ATXN7: variants seen among roughly 807,000 people sequenced by gnomAD.
The protein encoded by ATXN7 is ataxin-7.
ATXN7 carries 12 observed loss-of-function variants against 70.5 expected under a neutral mutation model. That is an observed-to-expected ratio of 0.17 (90% CI 0.11 to 0.28). The LOEUF is 0.28. Ranked by LOEUF, ATXN7 falls within the 10% of genes least tolerant of loss-of-function variation. ATXN7 has a pLI of 1.00. For missense variants in ATXN7, 1,256 were observed against 1,131.7 expected (o/e 1.11, Z -1.58); for synonymous variants, 498 against 448.7 (o/e 1.11, Z -1.39).
chr3:63,983,213 T>C (rs889489390), intron 8 of ATXN7, among the ~76,000 whole-genome samples, 192 bp downstream of exon 8: 3 of 152,238 alleles, frequency 2.0e-5, no homozygotes, highest in African/African-American at 4.8e-5. Context: ...TGCGTTGTTA[T>C]AAATTATAAT....
At chr3:63,887,204 G>A (rs1248485407) in intron 1 of ATXN7, among the ~76,000 whole-genome samples, 1 of 152,332 alleles carries the variant, frequency 6.6e-6, no homozygotes, top group Non-Finnish European at 1.5e-5. Flanking sequence ...TGTTTGTGAT[G>A]TAGTGCCAGA....
intron 4 of ATXN7, among the ~76,000 whole-genome samples, chr3:63,915,597 A>G (rs1704230069): frequency 6.6e-6 from 1 of 152,214 alleles, no homozygotes; most frequent in African/African-American, 2.4e-5. Context: ...AGTTGAATCC[A>G]TACTGATTCC....
intron 1 of ATXN7, among the ~76,000 whole-genome samples, chr3:63,895,278 G>C (rs144744001): frequency 1.6e-4 from 24 of 152,202 alleles, no homozygotes; most frequent in African/African-American, 5.8e-4. Flanking sequence ...ACAAAGTTCT[G>C]AATCTTAACA....
intron 1 of ATXN7, among the ~76,000 whole-genome samples, chr3:63,867,313 T>G (rs1045803227): frequency 6.6e-6 from 1 of 152,184 alleles, no homozygotes; most frequent in African/African-American, 2.4e-5. Context: ...AAAATGGAAG[T>G]TAGAATTCTT....
intron 6 of ATXN7, among the ~76,000 whole-genome samples, chr3:63,981,506 T>C (rs2075486866): frequency 6.6e-6 from 1 of 152,244 alleles, no homozygotes; most frequent in Admixed American, 6.5e-5. Context: ...TTTTCAGTTT[T>C]ACCAAGCAAA....
intron 1 of ATXN7, among the ~76,000 whole-genome samples, chr3:63,881,678 C>T (rs1470595048): frequency 2.0e-5 from 3 of 151,982 alleles, no homozygotes; most frequent in Admixed American, 6.6e-5. Context: ...TTAGTAGAGA[C>T]AGGGTTTCAC....
rs111667986 is a variant in ATXN7, at chr3:63,936,848, A to G, written c.395-15531A>G. ...TGATTCTACTCAGCCCATATTTTGT[A>G]CCTTTGACTGGTTGGTCCGTTTTCT... On this transcript the variant is annotated intron_variant, in intron 4 of 12. Transcript: ENST00000674280. 2.5e-3 allele frequency among the ~76,000 whole-genome samples: 376 copies of G among 152,260 alleles called. 1 individual carries two copies. Among genetic ancestry groups the G allele is most frequent in the African/African-American group, 8.0e-3 (332 of 41,546 alleles).
At chr3:63,863,694 G>C (rs897580551), upstream of ATXN7, 3 of 1,240,804 alleles carry the variant, frequency 2.4e-6, no homozygotes, top group African/African-American at 1.6e-5. Context: ...TCCCGGAAGC[G>C]GGCCGGGAGG....
intron 5 of ATXN7, among the ~76,000 whole-genome samples, chr3:63,970,694 C>T (rs1233831251): frequency 6.6e-6 from 1 of 152,184 alleles, no homozygotes; most frequent in Non-Finnish European, 1.5e-5. Context: ...TGCCATATTT[C>T]TGCTCCTTTC....
chr3:63,884,357 A>C, intron 1 of ATXN7, among the ~76,000 whole-genome samples: 1 of 152,110 alleles, frequency 6.6e-6, no homozygotes, highest in Non-Finnish European at 1.5e-5. Context: ...AACCTAGAAC[A>C]ATTTGAGCAG....
intron 4 of ATXN7, 147 bp downstream of exon 4, chr3:63,913,372 C>T (rs1704137605): frequency 1.2e-6 from 1 of 861,150 alleles, no homozygotes; most frequent in Non-Finnish European, 1.8e-6. Context: ...AGGGAGGGGG[C>T]AGAGCGCTTG....
intron 4 of ATXN7, among the ~76,000 whole-genome samples, chr3:63,940,422 ATAAT>A (rs1201799123): frequency 2.0e-5 from 3 of 152,164 alleles, no homozygotes; most frequent in Non-Finnish European, 4.4e-5. Flanking sequence ...ATGCCATTTC[ATAAT>A]TAATTCTGTT....
intron 4 of ATXN7, among the ~76,000 whole-genome samples, chr3:63,938,822 A>T (rs2074707500): frequency 6.6e-6 from 1 of 152,090 alleles, no homozygotes; most frequent in African/African-American, 2.4e-5. Context: ...TTTTATTGTA[A>T]CTTCTCTTTA....
At chr3:63,974,399 A>G (rs2075360246) in intron 5 of ATXN7, among the ~76,000 whole-genome samples, 1 of 152,226 alleles carries the variant, frequency 6.6e-6, no homozygotes, top group Non-Finnish European at 1.5e-5. Flanking sequence ...TTTATGCCCC[A>G]GCCCTCACCT....
chr3:63,983,274 T>G (rs562189517), intron 8 of ATXN7, among the ~76,000 whole-genome samples: 4 of 151,954 alleles, frequency 2.6e-5, no homozygotes, highest in Non-Finnish European at 5.9e-5. Context: ...ACAGGAATAG[T>G]GTTCTCTCCC....
chr3:63,927,886 G>C (rs1413978052), intron 4 of ATXN7, among the ~76,000 whole-genome samples: 1 of 152,076 alleles, frequency 6.6e-6, no homozygotes, highest in East Asian at 1.9e-4. Flanking sequence ...TTGTTAACTG[G>C]CAGCTGCGAT....
chr3:63,944,735 A>G (rs1201046579), intron 4 of ATXN7, among the ~76,000 whole-genome samples: 1 of 152,016 alleles, frequency 6.6e-6, no homozygotes, highest in Non-Finnish European at 1.5e-5. Flanking sequence ...TCTAATGTGG[A>G]TCAATTTTGT....
In ATXN7 at chr3:63,894,565, C is replaced by G. The variant is rs182602331; in HGVS notation, c.-110-3834C>G. Reference sequence around the variant, plus strand: ...TTGAGTTAGAGTCTCATTCTTTTGCCCCAGGCTGGAGTACAGTTGCATGAT... The same window carrying G: ...TTGAGTTAGAGTCTCATTCTTTTGCGCCAGGCTGGAGTACAGTTGCATGAT... On this transcript the variant is annotated intron_variant, in intron 1 of 12. Transcript: ENST00000674280. Among the ~76,000 whole-genome samples the G allele has an allele frequency of 1.8e-3, 274 of 152,208 alleles. 3 individuals carry two copies. Among genetic ancestry groups the G allele is most frequent in the Non-Finnish European group, 4.7e-4 (32 of 68,020 alleles).
chr3:63,984,926 G>C (rs991185271), intron 8 of ATXN7, among the ~76,000 whole-genome samples: 4 of 152,124 alleles, frequency 2.6e-5, no homozygotes, highest in African/African-American at 9.7e-5. Flanking sequence ...ATGTCTTCAA[G>C]CTTACCTCAT....
Sources: allele counts gnomAD v4.1 joint callset (sites outside exome capture counted in the v4.1 genomes callset), GRCh38; gene constraint gnomAD v4.1.1; transcripts MANE v1.5; gene names NCBI Gene and HGNC (gene_info 2026-07-23, HGNC 2026-07-21).